The following CSF1 variants were observed in gnomAD, a reference collection of about 807,000 sequenced individuals.
CSF1 encodes the protein colony stimulating factor 1.
A neutral mutation model predicts 48.9 loss-of-function variants in CSF1; 9 were observed. That is an observed-to-expected ratio of 0.18 (90% CI 0.11 to 0.32). The LOEUF (loss-of-function observed/expected upper bound fraction) is 0.32. Among genes scored for constraint, CSF1 ranks in the 10% least tolerant of loss-of-function variants. CSF1 has a pLI of 1.00. For missense variants in CSF1, 672 were observed against 697.9 expected (o/e 0.96, Z 0.42); for synonymous variants, 305 against 284.1 (o/e 1.07, Z -0.74).
chr1:109,920,275 G>A (rs921962865), intron 4 of CSF1, among the ~76,000 whole-genome samples: 4 of 151,996 alleles, frequency 2.6e-5, no homozygotes, highest in African/African-American at 9.7e-5. Context: ...CTAGGTGGCA[G>A]TGACCAAGTA....
rs778137740 is a variant in CSF1 at position 109,921,985 on chromosome 1, T to C, written c.535T>C (p.Ser179Pro). The change falls in exon 5 of 9, where the codon TCC becomes CCC. Residue 179 changes from serine (S) to proline (P), a missense_variant. By Grantham distance (74) the Ser-to-Pro change is moderately conservative. Around this residue, in one of 3 missense-constraint regions of CSF1, gnomAD observed 591 missense variants for 593.6 expected, o/e 1.00. Transcript: ENST00000329608. ...CTGCAACAACAGCTTTGCTGAATGC[T>C]CCAGCCAAGGTAAGCATGGCAGGGG... is the stretch of plus-strand genomic sequence containing the variant. The part of the protein sequence containing the change: ...KNCNNSFAEC[S>P]SQDVVTKPDC... 2 of 1,599,794 alleles carry C rather than the reference T, an allele frequency of 1.3e-6. No individual in the cohort carries two copies. The highest frequency in any genetic ancestry group is 1.7e-6 in the Non-Finnish European group (2 of 1,171,146).
intron 8 of CSF1, among the ~76,000 whole-genome samples, chr1:109,928,379 T>G (rs564727596): frequency 9.9e-4 from 151 of 152,344 alleles, no homozygotes; most frequent in African/African-American, 3.6e-3. Context: ...CCTACTGTCT[T>G]GAACATCATA....
chr1:109,924,417 C>T (rs1045471730), intron 6 of CSF1, among the ~76,000 whole-genome samples: 11 of 151,942 alleles, frequency 7.2e-5, no homozygotes, highest in Non-Finnish European at 4.4e-5. Context: ...CAGAAGGGAG[C>T]GGGAGAGAAT....
In CSF1 at chr1:109,924,880, C is replaced by T. The variant is rs1254484113; in HGVS notation, c.1622+52C>T. 5 of 1,549,518 alleles carry T rather than the reference C, an allele frequency of 3.2e-6. No homozygotes were observed. In the African/African-American group the frequency reaches 6.8e-5, roughly 21 times the overall value. ...AGGCACTGGGGGCCTGGCTTGGGAT[C>T]TGTTTCCCCTCTTCGTGGTGGTGGG... On this transcript the variant is annotated intron_variant, in intron 7 of 8. Transcript: ENST00000329608.
In CSF1 at chr1:109,910,888, T is replaced by C. The variant is rs933234170; in HGVS notation, c.-136T>C. The C allele has an allele frequency of 2.1e-5, 11 of 530,018 alleles. No individual in the cohort carries two copies. In the Admixed American group the frequency reaches 5.2e-4, roughly 25 times the overall value. The allele number at this position is 530,018 out of a possible 1,614,324, so 32.8% of individuals were successfully genotyped here. ...GGAAAGTGAAAGTTTGCCTGGGTCC[T>C]CTCGGCGCCAGAGCCGCTCTCCGCA... On this transcript the variant is annotated 5_prime_UTR_variant, in exon 1 of 9. Transcript: ENST00000329608.
At chr1:109,926,258 A>G (rs1174206004) in intron 8 of CSF1, 1 of 152,224 alleles carries the variant, frequency 6.6e-6, no homozygotes, top group African/African-American at 2.4e-5. Context: ...TAACAACTGC[A>G]TCATACTGTT....
At chr1:109,911,310 A>G (rs549600625) in intron 1 of CSF1, among the ~76,000 whole-genome samples, 108 of 152,194 alleles carry the variant, frequency 7.1e-4, no homozygotes, top group Admixed American at 2.9e-3. Flanking sequence ...TGCTCACCCC[A>G]TTGCACGGAG....
At position 109,917,528 on chromosome 1, in the gene CSF1, A is replaced by G. The variant is rs1329600844; in HGVS notation, c.396+65A>G. On this transcript the variant is annotated intron_variant, in intron 4 of 8. Transcript: ENST00000329608. ...AGGGTGGCTGTGGAGGCGCCGCTCTATCCACAGGCACAGAGTACATTCGCT... is the reference window on the plus strand; with the variant it reads ...AGGGTGGCTGTGGAGGCGCCGCTCTGTCCACAGGCACAGAGTACATTCGCT... 5.4e-6 allele frequency: 8 copies of G among 1,491,456 alleles called. No homozygotes were observed. In the African/African-American group the frequency reaches 5.6e-5, roughly 10 times the overall value. The allele number at this position is 1,491,456 out of a possible 1,614,324, so 92.4% of individuals were successfully genotyped here. A position where few individuals can be genotyped will look rare whatever the true frequency, so the allele number is the denominator to read the frequency against.
chr1:109,919,019 G>C (rs1046031948), intron 4 of CSF1, among the ~76,000 whole-genome samples: 1 of 152,066 alleles, frequency 6.6e-6, no homozygotes, highest in Non-Finnish European at 1.5e-5. Flanking sequence ...TTCCAAGATG[G>C]ATAAGGGATG....
intron 1 of CSF1, 116 bp downstream of exon 1, chr1:109,911,178 C>G (rs1286987670): frequency 9.4e-6 from 6 of 639,844 alleles, no homozygotes; most frequent in South Asian, 1.4e-4. Context: ...TGCACTGGCC[C>G]GGCGTTCCCG....
chr1:109,915,499 T>C, intron 2 of CSF1, 135 bp from the exon 3 acceptor site: 1 of 711,738 alleles, frequency 1.4e-6, no homozygotes, highest in Non-Finnish European at 2.5e-6. Flanking sequence ...TGACTCTGTC[T>C]TTCCACGTGT....
At chr1:109,911,132 GC>G in intron 1 of CSF1, 70 bp downstream of exon 1, 1 of 942,928 alleles carries the variant, frequency 1.1e-6, no homozygotes, top group South Asian at 4.8e-5. Flanking sequence ...GCGGCCGGGA[GC>G]GGCCCCTCGG....
intron 6 of CSF1, 93 bp downstream of exon 6, chr1:109,924,283 C>A: frequency 8.8e-7 from 1 of 1,134,976 alleles, no homozygotes; most frequent in Non-Finnish European, 1.2e-6. Context: ...TTGGGTGCGG[C>A]CTGAGTTCTT....
At chr1:109,924,703 C>A in intron 6 of CSF1, 73 bp from the exon 7 acceptor site, 4 of 1,349,746 alleles carry the variant, frequency 3.0e-6, no homozygotes, top group African/African-American at 1.5e-5. Flanking sequence ...CTGGGGCAGC[C>A]CTTACTGGGG....
chr1:109,926,740 A>G (rs1211925111), intron 8 of CSF1: 1 of 152,096 alleles, frequency 6.6e-6, no homozygotes, highest in African/African-American at 2.4e-5. Flanking sequence ...ATCAATTTGC[A>G]CTTATTTGGA....
At chr1:109,913,411 A>C (rs1654772629) in intron 1 of CSF1, among the ~76,000 whole-genome samples, 1 of 152,038 alleles carries the variant, frequency 6.6e-6, no homozygotes, top group Non-Finnish European at 1.5e-5. Flanking sequence ...GGATGAGGAG[A>C]CCCCAGTGAA....
In CSF1 at chr1:109,923,214, C is replaced by T; in HGVS notation, c.593C>T (p.Pro198Leu). ...AACTGCCTGTACCCCAAAGCCATCCCTAGCAGTGACCCGGCCTCTGTCTCC... is the reference window on the plus strand; with the variant it reads ...AACTGCCTGTACCCCAAAGCCATCCTTAGCAGTGACCCGGCCTCTGTCTCC... Reference protein sequence around the residue: ...DCNCLYPKAIPSSDPASVSPH... With the variant: ...DCNCLYPKAILSSDPASVSPH... Residue 198 changes from proline to leucine, a missense_variant, in exon 6 of 9, where the codon CCT becomes CTT. Physicochemically the swap from Pro to Leu is moderately conservative, Grantham distance 98. Transcript: ENST00000329608. The T allele has an allele frequency of 1.3e-6, 2 of 1,552,352 alleles. No individual in the cohort carries two copies. Among genetic ancestry groups the T allele is most frequent in the South Asian group, 2.5e-5 (2 of 79,816 alleles).
Position 109,923,418 on chromosome 1 carries a change from C to T in CSF1, c.797C>T (p.Thr266Ile). The change falls in exon 6 of 9, where the codon ACC (threonine) becomes ATC (isoleucine). Residue 266 changes from threonine (T) to isoleucine (I), a missense_variant. By Grantham distance (89) the Thr-to-Ile change is moderately conservative. Coordinates refer to ENST00000329608, the MANE Select transcript of CSF1 (RefSeq NM_000757.6). ...STCQSFEPPETPVVKDSTIGG... is the reference protein window; with the variant it reads ...STCQSFEPPEIPVVKDSTIGG... Reference sequence around the variant, plus strand: ...TGCCAGAGCTTTGAGCCGCCAGAGACCCCAGTTGTCAAGGACAGCACCATC... The same window carrying T: ...TGCCAGAGCTTTGAGCCGCCAGAGATCCCAGTTGTCAAGGACAGCACCATC... 1.2e-6 allele frequency: 2 copies of T among 1,614,070 alleles called. No homozygotes were observed. Among genetic ancestry groups the T allele is most frequent in the Non-Finnish European group, 8.5e-7 (1 of 1,179,988 alleles).
At chr1:109,922,103 T>C (rs973942154) in intron 5 of CSF1, 109 bp downstream of exon 5, 1 of 1,318,804 alleles carries the variant, frequency 7.6e-7, no homozygotes, top group Non-Finnish European at 1.0e-6. Flanking sequence ...GCCTGGCTGC[T>C]ACTCGTGTTC....
Sources: gnomAD v4.1 joint callset for allele counts (sites outside exome capture counted in the v4.1 genomes callset) on GRCh38, gnomAD v4.1.1 for gene constraint, gnomAD v4.1.1 regional missense constraint, MANE v1.5 for transcripts, NCBI Gene and HGNC (gene_info 2026-07-23, HGNC 2026-07-21) for gene names.